KPNA3: variants seen among roughly 807,000 people sequenced by gnomAD.
The protein encoded by KPNA3 is karyopherin subunit alpha 3, also known as importin subunit alpha-4.
Under a neutral mutation model 73.8 loss-of-function variants are expected in KPNA3, and 13 were observed. That is an observed-to-expected ratio of 0.18 (90% CI 0.11 to 0.28). KPNA3 has a LOEUF of 0.28. Ranked by LOEUF, KPNA3 falls within the 10% of genes least tolerant of loss-of-function variation. The pLI is 1.00. For missense variants in KPNA3, 360 were observed against 618.1 expected (o/e 0.58, Z 4.43); for synonymous variants, 186 against 206.9 (o/e 0.90, Z 0.87).
intron 12 of KPNA3, among the ~76,000 whole-genome samples, chr13:49,708,317 C>CA (rs1954227364): frequency 6.6e-6 from 1 of 152,020 alleles, no homozygotes; most frequent in South Asian, 2.1e-4. Context: ...ATTTAAACCA[C>CA]AATGAGACAC....
chr13:49,733,282 GTTTTTTTTTT>G (rs760449062), intron 2 of KPNA3, among the ~76,000 whole-genome samples: 3 of 100,918 alleles, frequency 3.0e-5, no homozygotes, highest in Non-Finnish European at 5.8e-5. Flanking sequence ...CCACTGTGGT[GTTTTTTTTTT>G]TTTTTTTTTT....
At chr13:49,774,162 C>T (rs1954877743) in intron 1 of KPNA3, among the ~76,000 whole-genome samples, 1 of 152,078 alleles carries the variant, frequency 6.6e-6, no homozygotes, top group Non-Finnish European at 1.5e-5. Flanking sequence ...GCCTCAGCCT[C>T]CCAAAGTGCT....
At chr13:49,726,937 A>G (rs1954415619) in intron 6 of KPNA3, among the ~76,000 whole-genome samples, 1 of 152,114 alleles carries the variant, frequency 6.6e-6, no homozygotes, top group African/African-American at 2.4e-5. Context: ...TGGGTGACAG[A>G]GTGAAACCCT....
chr13:49,746,466 C>A (rs1480197689), intron 2 of KPNA3, among the ~76,000 whole-genome samples: 1 of 151,962 alleles, frequency 6.6e-6, no homozygotes, highest in South Asian at 2.1e-4. Context: ...CAGAGTGAAA[C>A]GCTGTCTCAA....
chr13:49,776,602 TAAC>T (rs957045090), intron 1 of KPNA3, among the ~76,000 whole-genome samples: 14 of 152,160 alleles, frequency 9.2e-5, no homozygotes, highest in African/African-American at 2.9e-4. Flanking sequence ...AGTTAATTTT[TAAC>T]TACTAGTAAG....
At chr13:49,729,765 G>C (rs747083860) in intron 6 of KPNA3, among the ~76,000 whole-genome samples, 1 of 152,188 alleles carries the variant, frequency 6.6e-6, no homozygotes, top group African/African-American at 2.4e-5. Context: ...GGGCAACAGA[G>C]CGAGACTCGG....
Position 49,705,763 on chromosome 13 carries a change from C to G in KPNA3, c.1230G>C (p.Gln410His). ...AATTACAGAACGGTGGTATTACATT[C>G]TGCTGTACAAGGTACTCAACCTAGA... Reference protein sequence around the residue: ...RKDQVEYLVQQNVIPPFCNLL... With the variant: ...RKDQVEYLVQHNVIPPFCNLL... Residue 410 changes from glutamine (Q) to histidine (H), a missense_variant, in exon 15 of 17, where the codon CAG (glutamine) becomes CAC (histidine). This residue lies in a region of KPNA3 where 287 missense variants were observed against 549.1 expected (regional missense o/e 0.52). Coordinates refer to ENST00000261667, the MANE Select transcript of KPNA3 (RefSeq NM_002267.4). 6.2e-7 allele frequency: 1 copy of G among 1,613,222 alleles called. No homozygotes were observed. Among genetic ancestry groups the G allele is most frequent in the Non-Finnish European group, 8.5e-7 (1 of 1,179,384 alleles).
At chr13:49,737,235 G>A (rs1954530049) in intron 2 of KPNA3, among the ~76,000 whole-genome samples, 1 of 152,128 alleles carries the variant, frequency 6.6e-6, no homozygotes, top group African/African-American at 2.4e-5. Flanking sequence ...TGTAAGCACT[G>A]GGTTATACAG....
chr13:49,753,026 C>CAAAAAAAAAAAAAAAAAA (rs71078888), intron 1 of KPNA3, among the ~76,000 whole-genome samples: 1 of 82,204 alleles, frequency 1.2e-5, no homozygotes, highest in East Asian at 4.8e-4. Flanking sequence ...GACTCTGTCT[C>CAAAAAAAAAAAAAAAAAA]AAAAAAAAAA....
chr13:49,738,283 T>C (rs1239837832), intron 2 of KPNA3, among the ~76,000 whole-genome samples: 2 of 152,230 alleles, frequency 1.3e-5, no homozygotes, highest in Non-Finnish European at 1.5e-5. Flanking sequence ...TAAGCTTTCA[T>C]ATTGCGTGAA....
chr13:49,717,946 T>C (rs1290816300), intron 10 of KPNA3, among the ~76,000 whole-genome samples: 1 of 152,202 alleles, frequency 6.6e-6, no homozygotes, highest in Non-Finnish European at 1.5e-5. Flanking sequence ...ACCTTTTTTC[T>C]TGTTGGCTTT....
intron 1 of KPNA3, among the ~76,000 whole-genome samples, chr13:49,762,907 A>C (rs1954779855): frequency 8.2e-6 from 1 of 121,630 alleles, no homozygotes; most frequent in Admixed American, 9.7e-5. Context: ...TAAAGTTTAC[A>C]CCAAGGCTGG....
At chr13:49,707,709 A>C (rs895267176) in intron 12 of KPNA3, among the ~76,000 whole-genome samples, 1 of 152,228 alleles carries the variant, frequency 6.6e-6, no homozygotes, top group Non-Finnish European at 1.5e-5. Context: ...AAAAAAAAAA[A>C]AATCACCTAT....
At chr13:49,719,972 G>A (rs1370090924) in intron 9 of KPNA3, among the ~76,000 whole-genome samples, 153 bp from the exon 10 acceptor site, 1 of 152,048 alleles carries the variant, frequency 6.6e-6, no homozygotes, top group African/African-American at 2.4e-5. Flanking sequence ...ATGAAAACCT[G>A]ATAAATTCAA....
chr13:49,762,236 G>A (rs1245542238), intron 1 of KPNA3, among the ~76,000 whole-genome samples: 3 of 150,892 alleles, frequency 2.0e-5, no homozygotes, highest in South Asian at 2.1e-4. Flanking sequence ...GCCCCGTCGC[G>A]GAGGGAGGAG....
chr13:49,747,379 A>G (rs977207348), intron 1 of KPNA3, among the ~76,000 whole-genome samples: 1 of 151,758 alleles, frequency 6.6e-6, no homozygotes, highest in Admixed American at 6.6e-5. Flanking sequence ...AAAAAAACTC[A>G]GGTATTTGAG....
At chr13:49,763,874 C>A (rs1367097641) in intron 1 of KPNA3, among the ~76,000 whole-genome samples, 1 of 151,990 alleles carries the variant, frequency 6.6e-6, no homozygotes, top group Non-Finnish European at 1.5e-5. Context: ...CAAGAACAGG[C>A]TGGGCAACAT....
At chr13:49,757,691 T>TACACAC (rs111250503) in intron 1 of KPNA3, among the ~76,000 whole-genome samples, 4 of 150,546 alleles carry the variant, frequency 2.7e-5, no homozygotes, top group South Asian at 2.1e-4. Flanking sequence ...AAAACTCATC[T>TACACAC]ACACACACAC....
chr13:49,705,522 C>T (rs780332620), intron 15 of KPNA3, 99 bp downstream of exon 15: 44 of 1,173,330 alleles, frequency 3.8e-5, no homozygotes, highest in Middle Eastern at 2.0e-4. Context: ...TTAAAAACAA[C>T]GTATCCTAGT....
Sources: gnomAD v4.1 joint callset for allele counts (sites outside exome capture counted in the v4.1 genomes callset) on GRCh38, gnomAD v4.1.1 for gene constraint, gnomAD v4.1.1 regional missense constraint, MANE v1.5 for transcripts, NCBI Gene and HGNC (gene_info 2026-07-23, HGNC 2026-07-21) for gene names.